Variants in ANKFN1 observed in about 807,000 individuals in gnomAD.
ANKFN1 encodes the protein ankyrin repeat and fibronectin type III domain containing 1.
Under a neutral mutation model 108.7 loss-of-function variants are expected in ANKFN1, and 74 were observed. The ratio of observed to expected loss-of-function variants is 0.68; its 90% CI spans 0.56 to 0.83. The LOEUF (loss-of-function observed/expected upper bound fraction) is 0.83. ANKFN1 is among the 40% of genes least tolerant of loss of function. The pLI is 0.00. For missense variants in ANKFN1, 1,505 were observed against 1,382.3 expected, an observed-to-expected ratio of 1.09 and a Z score of -1.41; for synonymous variants, 547 against 516.2, an observed-to-expected ratio of 1.06 and a Z score of -0.81.
intron 10 of ANKFN1, among the ~76,000 whole-genome samples, chr17:56,444,768 C>A (rs2049228000): frequency 6.6e-6 from 1 of 152,162 alleles, no homozygotes. Context: ...AGCATTTGAA[C>A]TGGGGTTCAG....
chr17:56,455,184 C>A (rs1486394104), intron 11 of ANKFN1, among the ~76,000 whole-genome samples: 2 of 152,066 alleles, frequency 1.3e-5, no homozygotes, highest in Non-Finnish European at 2.9e-5. Flanking sequence ...CTGAGATTTG[C>A]TTACTTTTGT....
intron 5 of ANKFN1, among the ~76,000 whole-genome samples, chr17:56,352,893 C>A (rs2046281553): frequency 6.6e-6 from 1 of 152,146 alleles, no homozygotes; most frequent in Non-Finnish European, 1.5e-5. Context: ...CCAAGACTAG[C>A]AGCAGACAGG....
chr17:56,394,706 A>G (rs568988278), intron 8 of ANKFN1, among the ~76,000 whole-genome samples: 13 of 152,236 alleles, frequency 8.5e-5, no homozygotes, highest in African/African-American at 3.1e-4. Flanking sequence ...CACTCAAGGC[A>G]CATGCAGACT....
At chr17:56,285,862 GATGATGATGATC>G (rs1228911032) in intron 3 of ANKFN1, among the ~76,000 whole-genome samples, 23 of 151,738 alleles carry the variant, frequency 1.5e-4, no homozygotes, top group African/African-American at 5.6e-4. Context: ...TGATGATGAT[GATGATGATGATC>G]ACCTCCTACT....
At chr17:56,280,475 C>G (rs1242931297) in intron 3 of ANKFN1, among the ~76,000 whole-genome samples, 2 of 152,132 alleles carry the variant, frequency 1.3e-5, no homozygotes, top group African/African-American at 2.4e-5. Flanking sequence ...TCCTCCAGTT[C>G]TCAGGTCTTT....
intron 4 of ANKFN1, among the ~76,000 whole-genome samples, chr17:56,138,871 T>C (rs1438356704): frequency 6.6e-6 from 1 of 152,014 alleles, no homozygotes; most frequent in African/African-American, 2.4e-5. Flanking sequence ...TTATACTCAA[T>C]GAAACAAACA....
intron 3 of ANKFN1, among the ~76,000 whole-genome samples, chr17:56,236,917 A>T (rs1202035473): frequency 6.6e-6 from 1 of 152,112 alleles, no homozygotes; most frequent in Non-Finnish European, 1.5e-5. Context: ...TTTGTCATGG[A>T]TGGCTCTTAC....
At chr17:56,276,598 A>G (rs1029931954) in intron 3 of ANKFN1, among the ~76,000 whole-genome samples, 2 of 152,148 alleles carry the variant, frequency 1.3e-5, no homozygotes. Flanking sequence ...TTCTCTGATG[A>G]CCAGTGATGG....
chr17:56,390,136 C>T lies in ANKFN1; in HGVS notation c.910+15422C>T, dbSNP rs550020491. ...TGGTGGTTTGCTGCACCTATCAGCCCATCATCTAGGTTTTAAGCCCCACAT... is the reference window on the plus strand; with the variant it reads ...TGGTGGTTTGCTGCACCTATCAGCCTATCATCTAGGTTTTAAGCCCCACAT... On this transcript the variant is annotated intron_variant, in intron 8 of 20. Coordinates refer to ENST00000682825, the MANE Select transcript of ANKFN1 (RefSeq NM_001370326.1). 1.8e-3 allele frequency among the ~76,000 whole-genome samples: 278 copies of T among 151,970 alleles called. 1 individual carries two copies. The highest frequency in any genetic ancestry group is 3.1e-3 in the Non-Finnish European group (211 of 67,976).
At chr17:56,445,560 C>T (rs184286542) in intron 10 of ANKFN1, among the ~76,000 whole-genome samples, 24 of 152,232 alleles carry the variant, frequency 1.6e-4, no homozygotes, top group Admixed American at 1.1e-3. Flanking sequence ...CATGCCCTAT[C>T]GCTTGGAAGG....
intron 3 of ANKFN1, among the ~76,000 whole-genome samples, chr17:56,297,788 A>G (rs566718769): frequency 1.0e-3 from 152 of 152,258 alleles, no homozygotes; most frequent in Non-Finnish European, 1.9e-3. Flanking sequence ...GTTATATCTC[A>G]GTCATCTTAG....
intron 3 of ANKFN1, among the ~76,000 whole-genome samples, chr17:56,325,344 C>T (rs1313859471): frequency 6.6e-6 from 1 of 151,870 alleles, no homozygotes; most frequent in Non-Finnish European, 1.5e-5. Flanking sequence ...CACCCCTCAA[C>T]ATAATAAACA....
chr17:56,312,782 CA>C (rs2045071557), intron 3 of ANKFN1, among the ~76,000 whole-genome samples: 1 of 152,212 alleles, frequency 6.6e-6, no homozygotes, highest in African/African-American at 2.4e-5. Context: ...TGCTCCCATG[CA>C]ACTCACAGTC....
In ANKFN1 at chr17:56,126,830, G is replaced by A. The variant is rs532528752; in HGVS notation, c.288+80505G>A. On this transcript the variant is annotated intron_variant, in intron 4 of 12. Transcript: ENST00000635860. ...GGTCCTGATGAAAGCAGAATGGGGT[G>A]AAAGAAACCACCCTCATTACTAGAT... Among the ~76,000 whole-genome samples, 11 of 152,304 alleles carry A rather than the reference G, an allele frequency of 7.2e-5. No homozygotes were observed. In the South Asian group the frequency reaches 2.3e-3, roughly 32 times the overall value.
At chr17:56,186,270 G>A (rs995167286) in intron 1 of ANKFN1, among the ~76,000 whole-genome samples, 12 of 151,798 alleles carry the variant, frequency 7.9e-5, no homozygotes, top group African/African-American at 2.7e-4. Flanking sequence ...TTAGTCACCT[G>A]GGAGAGGGGC....
intron 8 of ANKFN1, among the ~76,000 whole-genome samples, chr17:56,416,016 G>A (rs1222098965): frequency 6.6e-6 from 1 of 152,122 alleles, no homozygotes; most frequent in African/African-American, 2.4e-5. Context: ...TTTATATGCA[G>A]AAGAATAAAA....
At chr17:56,133,971 T>C (rs189340335) in intron 4 of ANKFN1, among the ~76,000 whole-genome samples, 1 of 152,260 alleles carries the variant, frequency 6.6e-6, no homozygotes, top group African/African-American at 2.4e-5. Context: ...GCCTCAGTTC[T>C]ATAAGACTTA....
intron 3 of ANKFN1, among the ~76,000 whole-genome samples, chr17:56,239,963 A>G (rs556663084): frequency 1.6e-4 from 24 of 152,248 alleles, no homozygotes; most frequent in Non-Finnish European, 2.4e-4. Flanking sequence ...CATTTTTAGC[A>G]TAGTATTCAT....
intron 4 of ANKFN1, among the ~76,000 whole-genome samples, chr17:56,089,282 C>T (rs1323763536): frequency 6.6e-6 from 1 of 151,224 alleles, no homozygotes; most frequent in Admixed American, 6.6e-5. Flanking sequence ...CATACTACAT[C>T]CTCTGATGTA....
Sources: gnomAD v4.1 joint callset for allele counts (sites outside exome capture counted in the v4.1 genomes callset) on GRCh38, gnomAD v4.1.1 for gene constraint, MANE v1.5 for transcripts, NCBI Gene and HGNC (gene_info 2026-07-23, HGNC 2026-07-21) for gene names.